The following HS3ST5 variants were observed in gnomAD, a reference collection of about 807,000 sequenced individuals.
HS3ST5 encodes heparan sulfate glucosamine 3-O-sulfotransferase 5.
Under a neutral mutation model 25.4 loss-of-function variants are expected in HS3ST5, and 10 were observed. That is an observed-to-expected ratio of 0.39 (90% CI 0.24 to 0.67). The LOEUF (loss-of-function observed/expected upper bound fraction) is 0.67, where lower values mean the gene tolerates loss of function less well. Among genes scored for constraint, HS3ST5 ranks in the 30% least tolerant of loss-of-function variants. HS3ST5 has a pLI of 0.44. For synonymous variants in HS3ST5, 170 were observed against 162.4 expected, an observed-to-expected ratio of 1.05 and a Z score of -0.36; for missense variants, 324 against 420.7, an observed-to-expected ratio of 0.77 and a Z score of 2.01.
chr6:114,177,257 A>T (rs1158470313), intron 2 of HS3ST5, among the ~76,000 whole-genome samples: 1 of 152,240 alleles, frequency 6.6e-6, no homozygotes, highest in Non-Finnish European at 1.5e-5. Context: ...GAAATAAATG[A>T]TATGAAGAAC....
intron 3 of HS3ST5, among the ~76,000 whole-genome samples, chr6:114,147,628 T>C (rs994949044): frequency 3.3e-5 from 5 of 152,192 alleles, no homozygotes; most frequent in Admixed American, 3.3e-4. Context: ...TCACCCAGGC[T>C]GGAGTACAGT....
chr6:114,305,778 A>G (rs1453555324), intron 1 of HS3ST5, among the ~76,000 whole-genome samples: 1 of 152,130 alleles, frequency 6.6e-6, no homozygotes, highest in East Asian at 1.9e-4. Flanking sequence ...AGGCACCAGC[A>G]TCTTACTCAC....
intron 2 of HS3ST5, among the ~76,000 whole-genome samples, chr6:114,219,247 T>A (rs1277502672): frequency 6.6e-6 from 1 of 152,202 alleles, no homozygotes; most frequent in Non-Finnish European, 1.5e-5. Context: ...TTACATAATG[T>A]GTGAAAAAAC....
At chr6:114,314,551 C>G (rs1775671867) in intron 1 of HS3ST5, among the ~76,000 whole-genome samples, 1 of 152,134 alleles carries the variant, frequency 6.6e-6, no homozygotes, top group African/African-American at 2.4e-5. Flanking sequence ...TAGTTGCTTT[C>G]ATAGGCCCAA....
chr6:114,289,235 T>G (rs1387245050), intron 1 of HS3ST5, among the ~76,000 whole-genome samples: 1 of 152,026 alleles, frequency 6.6e-6, no homozygotes, highest in Non-Finnish European at 1.5e-5. Flanking sequence ...GACAATTCAG[T>G]CACAGCTAAA....
chr6:114,068,837 T>C (rs767170968), intron 3 of HS3ST5, among the ~76,000 whole-genome samples: 24 of 152,208 alleles, frequency 1.6e-4, no homozygotes, highest in Non-Finnish European at 3.2e-4. Context: ...GTCTTTCATT[T>C]TGCCTGCCAA....
intron 1 of HS3ST5, among the ~76,000 whole-genome samples, chr6:114,274,173 G>A (rs925229114): frequency 6.6e-6 from 1 of 151,998 alleles, no homozygotes; most frequent in Non-Finnish European, 1.5e-5. Flanking sequence ...ACAAAGGCTT[G>A]GGGCCAAATG....
intron 3 of HS3ST5, among the ~76,000 whole-genome samples, chr6:114,157,702 T>G (rs1017042966): frequency 2.6e-5 from 4 of 152,202 alleles, no homozygotes; most frequent in Non-Finnish European, 4.4e-5. Flanking sequence ...AAATTTTTAT[T>G]TGCCAATCAT....
In HS3ST5 at chr6:114,341,171, GGAGGGAGAGGGA is replaced by G. The variant is rs569145025; in HGVS notation, c.-339+1012_-339+1023del. 4.2e-3 allele frequency among the ~76,000 whole-genome samples: 346 copies of G among 82,642 alleles called. 5 individuals are homozygous for G. The highest frequency in any genetic ancestry group is 0.022 in the Middle Eastern group (3 of 134). 54.2% of individuals were successfully genotyped at this position (82,642 alleles called of 152,430 possible). ...GGAGAGGGGGAGAGAGGGGAGGGAGGGAGGGAGAGGGAGAGGGAGAGGGAGAGGGAGAGGGAA... is the reference window on the plus strand; with the variant it reads ...GGAGAGGGGGAGAGAGGGGAGGGAGGGAGGGAGAGGGAGAGGGAGAGGGAA... On this transcript the variant is annotated intron_variant, in intron 1 of 4. Transcript: ENST00000312719.
intron 3 of HS3ST5, among the ~76,000 whole-genome samples, chr6:114,131,563 T>C (rs1225315281): frequency 2.0e-5 from 3 of 152,180 alleles, no homozygotes; most frequent in Non-Finnish European, 4.4e-5. Context: ...TGTTATATCA[T>C]GATTAAAAAG....
At chr6:114,199,644 T>C (rs1780920631) in intron 2 of HS3ST5, among the ~76,000 whole-genome samples, 1 of 152,212 alleles carries the variant, frequency 6.6e-6, no homozygotes, top group East Asian at 1.9e-4. Context: ...CTCCCCTCTT[T>C]TATTTTTTAA....
intron 1 of HS3ST5, among the ~76,000 whole-genome samples, chr6:114,256,017 G>A (rs189928361): frequency 3.9e-5 from 6 of 152,182 alleles, no homozygotes; most frequent in Admixed American, 6.5e-5. Context: ...CTATCACATC[G>A]TCAGGCTGCA....
chr6:114,332,339 A>G (rs1184821544), intron 1 of HS3ST5, among the ~76,000 whole-genome samples: 1 of 152,046 alleles, frequency 6.6e-6, no homozygotes, highest in Admixed American at 6.6e-5. Context: ...CATCTAGCAC[A>G]CTCGATACTG....
intron 2 of HS3ST5, among the ~76,000 whole-genome samples, chr6:114,192,943 T>C (rs893451481): frequency 1.3e-5 from 2 of 152,196 alleles, no homozygotes; most frequent in Non-Finnish European, 2.9e-5. Flanking sequence ...AAGGTTATTA[T>C]AATCTAAGTG....
At chr6:114,267,450 C>T (rs1773455145) in intron 1 of HS3ST5, among the ~76,000 whole-genome samples, 1 of 152,086 alleles carries the variant, frequency 6.6e-6, no homozygotes, top group African/African-American at 2.4e-5. Context: ...AATAGGGTGT[C>T]CCAAGTGCTC....
intron 3 of HS3ST5, among the ~76,000 whole-genome samples, chr6:114,160,831 T>G (rs754548800): frequency 1.3e-5 from 2 of 152,164 alleles, no homozygotes; most frequent in Non-Finnish European, 2.9e-5. Flanking sequence ...CACACTAATG[T>G]TTCAACATTA....
chr6:114,187,507 T>C (rs1057091583), intron 2 of HS3ST5, among the ~76,000 whole-genome samples: 13 of 152,214 alleles, frequency 8.5e-5, no homozygotes, highest in Non-Finnish European at 1.9e-4. Context: ...TGTGACTTAA[T>C]TGATGCAATT....
At chr6:114,304,669 C>T (rs1000091418) in intron 1 of HS3ST5, among the ~76,000 whole-genome samples, 2 of 152,008 alleles carry the variant, frequency 1.3e-5, no homozygotes, top group Non-Finnish European at 2.9e-5. Flanking sequence ...AAAAATCATT[C>T]ATTTAAAAAT....
At chr6:114,255,070 C>A (rs114915453) in intron 1 of HS3ST5, among the ~76,000 whole-genome samples, 3,248 of 152,282 alleles carry the variant, frequency 0.021, 104 homozygotes, top group African/African-American at 0.073. Context: ...TAGTGACTTC[C>A]ACATATGAGC....
Sources: gnomAD v4.1 joint callset for allele counts (sites outside exome capture counted in the v4.1 genomes callset) on GRCh38, gnomAD v4.1.1 for gene constraint, MANE v1.5 for transcripts, NCBI Gene and HGNC (gene_info 2026-07-23, HGNC 2026-07-21) for gene names.